The following CD58 variants were observed in gnomAD, a reference collection of about 807,000 sequenced individuals.
The protein encoded by CD58 is CD58 molecule, also known as lymphocyte function-associated antigen 3.
A neutral mutation model predicts 27.6 loss-of-function variants in CD58; 14 were observed. That is an observed-to-expected ratio of 0.51 (90% CI 0.34 to 0.79). The LOEUF is 0.79. CD58 is among the 30% of genes least tolerant of loss of function. The pLI, the probability that CD58 is intolerant of heterozygous loss-of-function variation, is 0.02. For synonymous variants in CD58, 117 were observed against 103.8 expected (o/e 1.13, Z -0.77); for missense variants, 268 against 301.7 (o/e 0.89, Z 0.83).
chr1:116,517,973 C>T lies in CD58; in HGVS notation c.743+1258G>A, dbSNP rs954216460. 1.3e-5 allele frequency among the ~76,000 whole-genome samples: 2 copies of T among 151,430 alleles called. No individual in the cohort carries two copies. Among genetic ancestry groups the T allele is most frequent in the Admixed American group, 6.6e-5 (1 of 15,186 alleles). ...TATTTTTCTTGAAAAATAATAGTAACAATAGTCATAATGGCTAACATTTAT... is the reference window on the plus strand; with the variant it reads ...TATTTTTCTTGAAAAATAATAGTAATAATAGTCATAATGGCTAACATTTAT... On this transcript the variant is annotated intron_variant, in intron 5 of 5. Transcript: ENST00000369489. The surrounding 1 kb of genome is among the most constrained non-coding windows in gnomAD (Gnocchi z 6.5).
At chr1:116,529,267 C>G (rs569532216) in intron 3 of CD58, among the ~76,000 whole-genome samples, 13 of 152,206 alleles carry the variant, frequency 8.5e-5, no homozygotes, top group Non-Finnish European at 1.3e-4. Context: ...ACCTTGAGAT[C>G]TCTGAACATC....
At chr1:116,542,810 C>A (rs761979540) in intron 2 of CD58, among the ~76,000 whole-genome samples, 5 of 152,156 alleles carry the variant, frequency 3.3e-5, no homozygotes, top group Non-Finnish European at 5.9e-5. Flanking sequence ...GCAGGGCCTA[C>A]AGGCTCAGGT....
Position 116,558,612 on chromosome 1 carries a change from G to T in CD58, c.70+12291C>A, listed in dbSNP as rs185184072. ...CATATTAGTCAGTCCCAATTTTGGGGGTAGAAAATGTGCTTACCAGGCATG... is the reference window on the plus strand; with the variant it reads ...CATATTAGTCAGTCCCAATTTTGGGTGTAGAAAATGTGCTTACCAGGCATG... On this transcript the variant is annotated intron_variant, in intron 1 of 5. Coordinates refer to ENST00000369489, the MANE Select transcript of CD58 (RefSeq NM_001779.3). Among the ~76,000 whole-genome samples, 20 of 152,296 alleles carry T rather than the reference G, an allele frequency of 1.3e-4. No homozygotes were observed. The East Asian group carries it at 2.3e-3, about 18-fold the overall frequency.
Position 116,546,984 on chromosome 1 carries a change from C to CT in CD58, c.71-2381dup, listed in dbSNP as rs963323220. ...TAGTAAGTATATTTTCTTCCTTATG[C>CT]TTTTTTTTCTTTTTTAAATTTTTTT... On this transcript the variant is annotated intron_variant, in intron 1 of 5. Transcript: ENST00000369489. This position sits in a 1 kb window ranked among gnomAD's most constrained non-coding sequence, Gnocchi z 4.1. Among the ~76,000 whole-genome samples the CT allele has an allele frequency of 4.6e-5, 7 of 150,820 alleles. No homozygotes were observed. Among genetic ancestry groups the CT allele is most frequent in the South Asian group, 2.1e-4 (1 of 4,768 alleles).
chr1:116,536,182 G>A lies in CD58; in HGVS notation c.411C>T (p.Ser137=). 1 of 1,612,736 alleles carries A rather than the reference G, an allele frequency of 6.2e-7. No homozygotes were observed. The highest frequency in any genetic ancestry group is 8.5e-7 in the Non-Finnish European group (1 of 1,178,978). Residue 137 remains serine (S), a synonymous_variant, in exon 3 of 6, where the codon AGC becomes AGT. Coordinates refer to ENST00000369489, the MANE Select transcript of CD58 (RefSeq NM_001779.3). The surrounding 1 kb of genome is among the most constrained non-coding windows in gnomAD (Gnocchi z 5.4). ...PTLTCALTNG[S]IEVQCMIPEH... is the part of the protein sequence containing the mutation. ...CTGGTATCATGCATTGGACTTCAAT[G>A]CTTCCATTAGTCAATGCACAAGTTA...
intron 1 of CD58, among the ~76,000 whole-genome samples, chr1:116,564,060 T>A (rs912175866): frequency 1.3e-5 from 2 of 152,236 alleles, no homozygotes; most frequent in African/African-American, 4.8e-5. Context: ...TAAAACTGAA[T>A]GCTTTTAACA....
chr1:116,560,368 A>T (rs1658716679), intron 1 of CD58, among the ~76,000 whole-genome samples: 1 of 152,150 alleles, frequency 6.6e-6, no homozygotes, highest in African/African-American at 2.4e-5. Context: ...GAGTGTTTTT[A>T]AATCTATTCT....
chr1:116,539,735 A>C (rs1030515583), intron 2 of CD58, among the ~76,000 whole-genome samples: 3 of 152,120 alleles, frequency 2.0e-5, no homozygotes, highest in Non-Finnish European at 4.4e-5. Flanking sequence ...CCTAGATCAC[A>C]GTTTCTACAC....
Position 116,536,572 on chromosome 1 carries a change from T to C in CD58, c.365-344A>G, listed in dbSNP as rs1374667796. On this transcript the variant is annotated intron_variant, in intron 2 of 5. Transcript: ENST00000369489. This position sits in a 1 kb window ranked among gnomAD's most constrained non-coding sequence, Gnocchi z 5.4. The stretch of plus-strand genomic sequence containing the variant: ...TCTAGTGATAGAGAGTGAGTTCTCA[T>C]GACATCTGTTGGTTTAAAAGTGTGT... Among the ~76,000 whole-genome samples the C allele has an allele frequency of 6.6e-6, 1 of 152,128 alleles. No individual in the cohort carries two copies. Among genetic ancestry groups the C allele is most frequent in the Non-Finnish European group, 1.5e-5 (1 of 68,036 alleles).
rs1056979213 is a variant in CD58, at chr1:116,536,364, G to A, written c.365-136C>T. 18 of 619,522 alleles carry A rather than the reference G, an allele frequency of 2.9e-5. No individual in the cohort carries two copies. Among genetic ancestry groups the A allele is most frequent in the Non-Finnish European group, 3.3e-5 (12 of 363,554 alleles). 38.4% of individuals were successfully genotyped at this position (619,522 alleles called of 1,614,324 possible). A position where few individuals can be genotyped will look rare whatever the true frequency, so the allele number is the denominator to read the frequency against. Reference sequence around the variant, plus strand: ...ACAAACTCCTTGAGCATCAAGGAGCGAGAATTCTTTCTTTTGCTAGGTCAG... The same window carrying A: ...ACAAACTCCTTGAGCATCAAGGAGCAAGAATTCTTTCTTTTGCTAGGTCAG... On this transcript the variant is annotated intron_variant, in intron 2 of 5. Transcript: ENST00000369489. This position sits in a 1 kb window ranked among gnomAD's most constrained non-coding sequence, Gnocchi z 5.4.
At chr1:116,547,465 A>G (rs967563173) in intron 1 of CD58, among the ~76,000 whole-genome samples, 5 of 151,440 alleles carry the variant, frequency 3.3e-5, no homozygotes, top group African/African-American at 1.2e-4. Flanking sequence ...AGCTGGGACT[A>G]CAGGCGCCCA....
intron 2 of CD58, among the ~76,000 whole-genome samples, chr1:116,543,751 C>A (rs1658066783): frequency 6.6e-6 from 1 of 151,898 alleles, no homozygotes; most frequent in Non-Finnish European, 1.5e-5. Context: ...AGTGAAACAC[C>A]ATCTCTACTA....
In CD58 at chr1:116,544,537, T is replaced by G. The variant is rs944234892; in HGVS notation, c.138A>C (p.Pro46=). 1 of 1,613,528 alleles carries G rather than the reference T, an allele frequency of 6.2e-7. No homozygotes were observed. Among genetic ancestry groups the G allele is most frequent in the African/African-American group, 1.3e-5 (1 of 74,924 alleles). Residue 46 remains proline, a synonymous_variant, in exon 2 of 6, where the codon CCA becomes CCC. Coordinates refer to ENST00000369489, the MANE Select transcript of CD58 (RefSeq NM_001779.3). ...VVYGNVTFHV[P]SNVPLKEVLW... ...GGACCTCTTTTAAAGGCACATTGCT[T>G]GGTACATGGAAAGTTACATTCCCAT...
rs551106021 is a variant in CD58 at position 116,557,827 on chromosome 1, C to A, written c.70+13076G>T. Among the ~76,000 whole-genome samples the A allele has an allele frequency of 6.6e-6, 1 of 152,106 alleles. No individual in the cohort carries two copies. Among genetic ancestry groups the A allele is most frequent in the African/African-American group, 2.4e-5 (1 of 41,478 alleles). On this transcript the variant is annotated intron_variant, in intron 1 of 5. Coordinates refer to ENST00000369489, the MANE Select transcript of CD58 (RefSeq NM_001779.3). The surrounding 1 kb of genome is among the most constrained non-coding windows in gnomAD (Gnocchi z 5.2). ...TAGCTAGAACTACAGTTGCATGCCA[C>A]CACGCCCAGCTAATTTTTATATTTT...
Position 116,547,734 on chromosome 1 carries a change from A to G in CD58, c.71-3130T>C, listed in dbSNP as rs559086561. The stretch of plus-strand genomic sequence containing the variant: ...TTTATGCTGATTCCATATTTTTGCA[A>G]TTGCGAGTTGTGCCACTATAAAGAT... On this transcript the variant is annotated intron_variant, in intron 1 of 5. Coordinates refer to ENST00000369489, the MANE Select transcript of CD58 (RefSeq NM_001779.3). Among the ~76,000 whole-genome samples the G allele has an allele frequency of 1.3e-5, 2 of 152,072 alleles. 1 individual carries two copies. The highest frequency in any genetic ancestry group is 4.2e-4 in the South Asian group (2 of 4,816).
intron 1 of CD58, among the ~76,000 whole-genome samples, chr1:116,555,383 A>G (rs1021418745): frequency 6.6e-6 from 1 of 152,212 alleles, no homozygotes; most frequent in African/African-American, 2.4e-5. Context: ...AGTTAGGTCA[A>G]CATCAAGGTA....
Position 116,553,679 on chromosome 1 carries a change from T to C in CD58, c.71-9075A>G, listed in dbSNP as rs78814052. 2.0e-3 allele frequency among the ~76,000 whole-genome samples: 301 copies of C among 152,304 alleles called. 1 individual carries two copies. Among genetic ancestry groups the C allele is most frequent in the Non-Finnish European group, 3.2e-3 (220 of 68,018 alleles). On this transcript the variant is annotated intron_variant, in intron 1 of 5. Coordinates refer to ENST00000369489, the MANE Select transcript of CD58 (RefSeq NM_001779.3). ...GGTCTGTGAGACATCCAAGCAAAGATGCCCAGTAGCTGCTAAGTACACAGG... is the reference window on the plus strand; with the variant it reads ...GGTCTGTGAGACATCCAAGCAAAGACGCCCAGTAGCTGCTAAGTACACAGG...
chr1:116,536,980 A>G lies in CD58; in HGVS notation c.365-752T>C, dbSNP rs1192380669. Among the ~76,000 whole-genome samples, 1 of 152,232 alleles carries G rather than the reference A, an allele frequency of 6.6e-6. No homozygotes were observed. Among genetic ancestry groups the G allele is most frequent in the Non-Finnish European group, 1.5e-5 (1 of 68,040 alleles). On this transcript the variant is annotated intron_variant, in intron 2 of 5. Transcript: ENST00000369489. This position sits in a 1 kb window ranked among gnomAD's most constrained non-coding sequence, Gnocchi z 5.4. ...CAAAAATATTCCTGTGCTTGGCAGG[A>G]CACAGTGGCTCATGGCTATACTCCC...
chr1:116,555,274 A>G (rs1205584674), intron 1 of CD58, among the ~76,000 whole-genome samples: 1 of 152,100 alleles, frequency 6.6e-6, no homozygotes, highest in Admixed American at 6.6e-5. Context: ...AATGCCCACC[A>G]TAAAAGATTG....
Sources: gnomAD v4.1 joint callset for allele counts (sites outside exome capture counted in the v4.1 genomes callset) on GRCh38, gnomAD v4.1.1 for gene constraint, Gnocchi (gnomAD v3.1) non-coding constraint, MANE v1.5 for transcripts, NCBI Gene and HGNC (gene_info 2026-07-23, HGNC 2026-07-21) for gene names.